Variants in MAP3K20 observed in about 807,000 individuals in gnomAD.
MAP3K20 encodes the protein mitogen-activated protein kinase kinase kinase 20.
Under a neutral mutation model 85.7 loss-of-function variants are expected in MAP3K20, and 40 were observed. That is an observed-to-expected ratio of 0.47 (90% CI 0.36 to 0.61). The LOEUF (loss-of-function observed/expected upper bound fraction) is 0.61. Ranked by LOEUF, MAP3K20 falls within the 20% of genes least tolerant of loss-of-function variation. The probability of loss-of-function intolerance (pLI) is 0.00; values close to 1 mark genes in which losing one functional copy is unlikely to be tolerated. For missense variants in MAP3K20, 817 were observed against 961.7 expected, an observed-to-expected ratio of 0.85 and a Z score of 1.99; for synonymous variants, 325 against 327.7, an observed-to-expected ratio of 0.99 and a Z score of 0.09.
At position 173,094,149 on chromosome 2, in the gene MAP3K20, T is replaced by A. The variant is rs1001068911; in HGVS notation, c.159+2959T>A. Among the ~76,000 whole-genome samples the A allele has an allele frequency of 3.0e-4, 45 of 148,850 alleles. 1 individual carries two copies. The highest frequency in any genetic ancestry group is 8.4e-4 in the African/African-American group (34 of 40,548). ...AAACTTAAAGTATAATAAAAAAAAA[T>A]TTTTTTAAACCTAGAGAACAATTAA... is the stretch of plus-strand genomic sequence containing the variant. On this transcript the variant is annotated intron_variant, in intron 2 of 19. Transcript: ENST00000375213.
intron 2 of MAP3K20, among the ~76,000 whole-genome samples, chr2:173,156,931 A>C (rs562479874): frequency 4.6e-5 from 7 of 152,316 alleles, no homozygotes; most frequent in Non-Finnish European, 8.8e-5. Context: ...GGATCTGTGA[A>C]TCTATGGACA....
chr2:173,106,657 G>A (rs1246592430), intron 2 of MAP3K20, among the ~76,000 whole-genome samples: 1 of 152,204 alleles, frequency 6.6e-6, no homozygotes, highest in Non-Finnish European at 1.5e-5. Context: ...AGGAAAAGTA[G>A]AACCATGATG....
At chr2:173,247,828 C>G (rs1574155169) in intron 16 of MAP3K20, among the ~76,000 whole-genome samples, 1 of 152,138 alleles carries the variant, frequency 6.6e-6, no homozygotes, top group African/African-American at 2.4e-5. Context: ...TTCTTGAGTT[C>G]TCATGCAACA....
intron 17 of MAP3K20, among the ~76,000 whole-genome samples, chr2:173,259,192 G>T (rs1264888758): frequency 5.3e-5 from 8 of 152,072 alleles, no homozygotes; most frequent in Admixed American, 5.2e-4. Flanking sequence ...TGACTTTCTT[G>T]GTTGAGGTCA....
intron 1 of MAP3K20, among the ~76,000 whole-genome samples, chr2:173,080,500 G>C (rs2106134006): frequency 6.6e-6 from 1 of 152,278 alleles, no homozygotes. Flanking sequence ...AGGGTGGAAG[G>C]CGAAAGCAAG....
chr2:173,170,311 T>C (rs1816717), intron 3 of MAP3K20, among the ~76,000 whole-genome samples: 33,217 of 152,136 alleles, frequency 0.22, 3,806 homozygotes, highest in African/African-American at 0.25. Flanking sequence ...TTCTTCAAGG[T>C]CTCTGACATA....
intron 2 of MAP3K20, among the ~76,000 whole-genome samples, chr2:173,147,589 C>CT (rs983471286): frequency 2.0e-5 from 3 of 151,822 alleles, no homozygotes; most frequent in African/African-American, 7.3e-5. Context: ...AAACTCCAGC[C>CT]TTTTTTTTCT....
chr2:173,223,212 G>A, intron 11 of MAP3K20: 2 of 985,416 alleles, frequency 2.0e-6, no homozygotes, highest in Non-Finnish European at 2.4e-6. Flanking sequence ...CAGCAGTCTA[G>A]GTGGCATAGT....
chr2:173,076,071 G>C (rs1198620194), intron 1 of MAP3K20, 69 bp downstream of exon 1: 1 of 961,430 alleles, frequency 1.0e-6, no homozygotes. Context: ...CTCGCGAGTC[G>C]TCCCTGCGTC....
At chr2:173,085,634 T>A (rs6741373) in intron 1 of MAP3K20, among the ~76,000 whole-genome samples, 2,369 of 152,262 alleles carry the variant, frequency 0.016, 59 homozygotes, top group African/African-American at 0.054. Flanking sequence ...TTTTGTGACA[T>A]TTCTGCTCTA....
At chr2:173,143,814 T>A (rs1689045454) in intron 2 of MAP3K20, among the ~76,000 whole-genome samples, 1 of 152,200 alleles carries the variant, frequency 6.6e-6, no homozygotes, top group Admixed American at 6.5e-5. Context: ...CTGATCAATT[T>A]ATTTAACAAA....
chr2:173,209,874 C>CAAAG, intron 10 of MAP3K20, 39 bp downstream of exon 10: 1 of 1,516,094 alleles, frequency 6.6e-7, no homozygotes, highest in Non-Finnish European at 9.2e-7. Flanking sequence ...GTCTGGCTTT[C>CAAAG]AAAGACCATC....
At chr2:173,236,430 T>C (rs1374279751) in intron 14 of MAP3K20, among the ~76,000 whole-genome samples, 1 of 152,150 alleles carries the variant, frequency 6.6e-6, no homozygotes, top group East Asian at 1.9e-4. Flanking sequence ...TGTAATGTTC[T>C]CTTTTTATGA....
At chr2:173,080,570 C>T (rs1347649800) in intron 1 of MAP3K20, among the ~76,000 whole-genome samples, 1 of 152,220 alleles carries the variant, frequency 6.6e-6, no homozygotes, top group Non-Finnish European at 1.5e-5. Context: ...CCCAGGATAA[C>T]AGTGAGAATC....
chr2:173,153,487 A>G (rs751720171), intron 2 of MAP3K20, among the ~76,000 whole-genome samples: 2 of 152,184 alleles, frequency 1.3e-5, no homozygotes, highest in Non-Finnish European at 2.9e-5. Context: ...CCTGGTGTTC[A>G]TCTGTCACTG....
chr2:173,221,218 C>A, intron 11 of MAP3K20: 1 of 1,600,864 alleles, frequency 6.2e-7, no homozygotes, highest in South Asian at 1.1e-5. Context: ...AGGAGTCAAA[C>A]AGTGCAGAGA....
chr2:173,127,023 T>C (rs1216984461), intron 2 of MAP3K20, among the ~76,000 whole-genome samples: 4 of 152,188 alleles, frequency 2.6e-5, no homozygotes, highest in Admixed American at 1.3e-4. Context: ...TGTGGTTTTC[T>C]TCAAACATAC....
intron 16 of MAP3K20, among the ~76,000 whole-genome samples, chr2:173,246,144 C>T (rs953085914): frequency 1.3e-5 from 2 of 152,154 alleles, no homozygotes; most frequent in Non-Finnish European, 2.9e-5. Context: ...CTGTATCATC[C>T]TCTTCATGAG....
chr2:173,258,022 A>G (rs182466477), intron 16 of MAP3K20, among the ~76,000 whole-genome samples: 185 of 152,346 alleles, frequency 1.2e-3, no homozygotes, highest in African/African-American at 4.1e-3. Flanking sequence ...TTCATGAAAT[A>G]TTAAAGGACC....
Sources: gnomAD v4.1 joint callset for allele counts (sites outside exome capture counted in the v4.1 genomes callset) on GRCh38, gnomAD v4.1.1 for gene constraint, MANE v1.5 for transcripts, NCBI Gene and HGNC (gene_info 2026-07-23, HGNC 2026-07-21) for gene names.